ZNRF1: variants seen among roughly 807,000 people sequenced by gnomAD.
The protein encoded by ZNRF1 is zinc and ring finger 1.
A neutral mutation model predicts 18.4 loss-of-function variants in ZNRF1; 3 were observed. That is an observed-to-expected ratio of 0.16 (90% CI 0.07 to 0.42). The LOEUF is 0.42. Among genes scored for constraint, ZNRF1 ranks in the 10% least tolerant of loss-of-function variants. The probability of loss-of-function intolerance (pLI) is 0.99; values close to 1 mark genes in which losing one functional copy is unlikely to be tolerated. For synonymous variants in ZNRF1, 157 were observed against 144.2 expected, an observed-to-expected ratio of 1.09 and a Z score of -0.64; for missense variants, 310 against 329.8, an observed-to-expected ratio of 0.94 and a Z score of 0.47.
At chr16:75,094,243 G>A (rs979478306) in intron 2 of ZNRF1, among the ~76,000 whole-genome samples, 5 of 152,158 alleles carry the variant, frequency 3.3e-5, no homozygotes, top group East Asian at 3.9e-4. Context: ...TTGAAAATGC[G>A]GATAGGACAC....
intron 2 of ZNRF1, among the ~76,000 whole-genome samples, chr16:75,101,728 G>A (rs1038335081): frequency 1.4e-4 from 22 of 152,160 alleles, no homozygotes; most frequent in Admixed American, 7.2e-4. Flanking sequence ...ACATTCGAAC[G>A]CTACAGAAAT....
chr16:75,025,158 C>T lies in ZNRF1; in HGVS notation c.424+25063C>T, dbSNP rs561682816. On this transcript the variant is annotated intron_variant, in intron 1 of 4. Transcript: ENST00000335325. ...TCTCGGCTCTCTGCAAGCTCTGCCT[C>T]CCGGGTTCATGCCATTCTCCTGCCT... Among the ~76,000 whole-genome samples, 8 of 152,258 alleles carry T rather than the reference C, an allele frequency of 5.3e-5. No individual in the cohort carries two copies. In the East Asian group the frequency reaches 1.4e-3, roughly 26 times the overall value.
intron 1 of ZNRF1, among the ~76,000 whole-genome samples, chr16:75,012,951 G>C (rs973655908): frequency 2.0e-5 from 3 of 152,160 alleles, no homozygotes; most frequent in Non-Finnish European, 4.4e-5. Context: ...ATGCATAAGA[G>C]CCAGCAAAAC....
rs369728475 is a variant in ZNRF1, at chr16:75,052,206, T to C, written c.425-41366T>C. On this transcript the variant is annotated intron_variant, in intron 1 of 4. Transcript: ENST00000335325. Reference sequence around the variant, plus strand: ...TTGAACCCAGAAGTTCGAGACCAACTTGGGCAACATGGTGAAACCCCATCT... The same window carrying C: ...TTGAACCCAGAAGTTCGAGACCAACCTGGGCAACATGGTGAAACCCCATCT... Among the ~76,000 whole-genome samples the C allele has an allele frequency of 1.6e-4, 24 of 152,140 alleles. 2 individuals carry two copies. Among genetic ancestry groups the C allele is most frequent in the South Asian group, 1.2e-3 (6 of 4,822 alleles).
intron 1 of ZNRF1, among the ~76,000 whole-genome samples, chr16:75,011,152 G>A (rs1370320117): frequency 6.6e-6 from 1 of 152,184 alleles, no homozygotes; most frequent in Non-Finnish European, 1.5e-5. Context: ...CCTTTTCCCT[G>A]TGGAGAAGGT....
chr16:75,106,236 C>T lies in ZNRF1; in HGVS notation c.627-246C>T, dbSNP rs2145432954. The T allele has an allele frequency of 1.4e-5, 7 of 517,646 alleles. No individual in the cohort carries two copies. In the East Asian group the frequency reaches 2.0e-4, roughly 15 times the overall value. 32.1% of individuals were successfully genotyped at this position (517,646 alleles called of 1,614,324 possible). The stretch of plus-strand genomic sequence containing the variant: ...CCTTCTGAAAGCCACTCTGCCCCTT[C>T]CTGCAGCACCAGATCCCCCTGAGCC... On this transcript the variant is annotated intron_variant, in intron 3 of 4. Transcript: ENST00000335325.
Position 75,085,279 on chromosome 16 carries a change from A to G in ZNRF1, c.425-8293A>G, listed in dbSNP as rs2036059897. Among the ~76,000 whole-genome samples, 4 of 152,216 alleles carry G rather than the reference A, an allele frequency of 2.6e-5. No individual in the cohort carries two copies. The South Asian group carries it at 8.3e-4, about 32-fold the overall frequency. ...AATTTTGCCTTTTCTAGAATTTCAT[A>G]TAATTAGAATCATGTGTGCACTTTT... is the stretch of plus-strand genomic sequence containing the variant. On this transcript the variant is annotated intron_variant, in intron 1 of 4. Coordinates refer to ENST00000335325, the MANE Select transcript of ZNRF1 (RefSeq NM_032268.5).
At chr16:75,107,460 T>TG (rs1347086640) in intron 4 of ZNRF1, 2 of 303,920 alleles carry the variant, frequency 6.6e-6, no homozygotes, top group East Asian at 2.2e-4. Flanking sequence ...CCAGAACAGC[T>TG]GATGATGTCA....
chr16:75,002,743 T>A (rs1199183472), intron 1 of ZNRF1, among the ~76,000 whole-genome samples: 1 of 152,212 alleles, frequency 6.6e-6, no homozygotes, highest in African/African-American at 2.4e-5. Context: ...GCTCCGCAAA[T>A]CCCGGGAGAG....
At chr16:75,056,026 A>G (rs1029735110) in intron 1 of ZNRF1, among the ~76,000 whole-genome samples, 2 of 152,178 alleles carry the variant, frequency 1.3e-5, no homozygotes, top group Non-Finnish European at 2.9e-5. Flanking sequence ...TTGTATTTCT[A>G]TGTAATGGGG....
intron 1 of ZNRF1, among the ~76,000 whole-genome samples, chr16:75,041,992 G>A (rs968657482): frequency 6.6e-6 from 1 of 152,028 alleles, no homozygotes; most frequent in East Asian, 1.9e-4. Context: ...GCAAAACTCC[G>A]TCTCAAAAAA....
At chr16:75,107,509 A>C in intron 4 of ZNRF1, 1 of 337,778 alleles carries the variant, frequency 3.0e-6, no homozygotes, top group East Asian at 8.7e-5. Context: ...CCTCCACCTC[A>C]AAAACTGATG....
intron 1 of ZNRF1, among the ~76,000 whole-genome samples, chr16:75,076,768 A>G (rs1401890838): frequency 1.3e-5 from 2 of 151,176 alleles, no homozygotes; most frequent in African/African-American, 4.9e-5. Flanking sequence ...CTTTTGGGAG[A>G]TAAGTGAGTT....
At chr16:75,020,315 G>A (rs1356459308) in intron 1 of ZNRF1, among the ~76,000 whole-genome samples, 1 of 151,894 alleles carries the variant, frequency 6.6e-6, no homozygotes, top group Non-Finnish European at 1.5e-5. Flanking sequence ...TCCTGTGAAT[G>A]ACATATAGTT....
chr16:75,046,185 G>T (rs990282659), intron 1 of ZNRF1, among the ~76,000 whole-genome samples: 1 of 151,808 alleles, frequency 6.6e-6, no homozygotes. Context: ...ATTATTACAT[G>T]TGTGAGCCAC....
intron 1 of ZNRF1, among the ~76,000 whole-genome samples, chr16:75,046,325 C>G (rs899623845): frequency 1.3e-5 from 2 of 152,086 alleles, no homozygotes; most frequent in Non-Finnish European, 2.9e-5. Flanking sequence ...GATCTCAGCT[C>G]ACTGTAACCT....
chr16:75,066,881 T>G (rs1317988695), intron 1 of ZNRF1, among the ~76,000 whole-genome samples: 1 of 152,050 alleles, frequency 6.6e-6, no homozygotes, highest in East Asian at 1.9e-4. Flanking sequence ...AACTGTGGGG[T>G]AACAAATTAC....
At chr16:75,096,002 T>G (rs1229270108) in intron 2 of ZNRF1, among the ~76,000 whole-genome samples, 11 of 151,978 alleles carry the variant, frequency 7.2e-5, no homozygotes, top group Admixed American at 7.2e-4. Flanking sequence ...TTTTCCCTTG[T>G]CATGGAATTG....
intron 1 of ZNRF1, among the ~76,000 whole-genome samples, chr16:75,083,800 T>C (rs1185508032): frequency 6.6e-6 from 1 of 151,860 alleles, no homozygotes; most frequent in African/African-American, 2.4e-5. Flanking sequence ...ACAGAGAAGT[T>C]ATGGAGAAAG....
Sources: gnomAD v4.1 joint callset for allele counts (sites outside exome capture counted in the v4.1 genomes callset) on GRCh38, gnomAD v4.1.1 for gene constraint, MANE v1.5 for transcripts, NCBI Gene and HGNC (gene_info 2026-07-23, HGNC 2026-07-21) for gene names.